Variants in CNTNAP2 observed in about 807,000 individuals in gnomAD.
CNTNAP2 encodes contactin associated protein 2.
A neutral mutation model predicts 155.2 loss-of-function variants in CNTNAP2; 98 were observed. The ratio of observed to expected loss-of-function variants is 0.63; its 90% CI spans 0.54 to 0.75. The LOEUF (loss-of-function observed/expected upper bound fraction) is 0.75. Among genes scored for constraint, CNTNAP2 ranks in the 30% least tolerant of loss-of-function variants. The pLI is 0.00. For missense variants in CNTNAP2, 1,727 were observed against 1,688.1 expected (o/e 1.02, Z -0.40); for synonymous variants, 651 against 631.2 (o/e 1.03, Z -0.47).
At chr7:147,706,489 A>T (rs1584911044) in intron 13 of CNTNAP2, among the ~76,000 whole-genome samples, 2 of 151,812 alleles carry the variant, frequency 1.3e-5, no homozygotes, top group East Asian at 3.9e-4. Context: ...CTGCTGAGAG[A>T]TTCACTGTTA....
rs140215588 is a variant in CNTNAP2, at chr7:147,556,634, A to G, written c.1778-5504A>G. Reference sequence around the variant, plus strand: ...GATGGGGGACTGAGATGATGAGCCCAGGAATGTGTGTGGCCTCTATAATCT... The same window carrying G: ...GATGGGGGACTGAGATGATGAGCCCGGGAATGTGTGTGGCCTCTATAATCT... On this transcript the variant is annotated intron_variant, in intron 11 of 23. Transcript: ENST00000361727. Among the ~76,000 whole-genome samples the G allele has an allele frequency of 2.4e-3, 366 of 152,334 alleles. 3 individuals carry two copies. The highest frequency in any genetic ancestry group is 8.3e-3 in the African/African-American group (347 of 41,588).
chr7:146,198,869 CTT>C (rs575800042), intron 1 of CNTNAP2, among the ~76,000 whole-genome samples: 136 of 151,536 alleles, frequency 9.0e-4, no homozygotes, highest in Non-Finnish European at 9.3e-4. Flanking sequence ...TCATTGATTT[CTT>C]GGCATTTTTA....
chr7:146,933,436 T>C (rs985940120), intron 3 of CNTNAP2, among the ~76,000 whole-genome samples: 1 of 151,416 alleles, frequency 6.6e-6, no homozygotes. Context: ...CAAAAATTAA[T>C]TCAGGATGGA....
At chr7:148,137,723 AGGAAG>A (rs1804988657) in intron 16 of CNTNAP2, among the ~76,000 whole-genome samples, 1 of 137,756 alleles carries the variant, frequency 7.3e-6, no homozygotes, top group Admixed American at 7.1e-5. Flanking sequence ...GAAGGAAGGA[AGGAAG>A]GAAGGAAGGT....
chr7:147,118,167 T>A (rs1221796661), intron 5 of CNTNAP2, among the ~76,000 whole-genome samples: 1 of 152,160 alleles, frequency 6.6e-6, no homozygotes, highest in Non-Finnish European at 1.5e-5. Context: ...AGTGATACTT[T>A]CAGTGTTGGT....
intron 12 of CNTNAP2, among the ~76,000 whole-genome samples, chr7:147,626,708 A>G (rs938667853): frequency 9.2e-5 from 14 of 152,270 alleles, no homozygotes; most frequent in African/African-American, 3.4e-4. Context: ...TTGGAGGCCA[A>G]CCAACTCAGG....
intron 15 of CNTNAP2, among the ~76,000 whole-genome samples, chr7:148,064,877 C>A (rs1395658560): frequency 6.6e-6 from 1 of 151,978 alleles, no homozygotes; most frequent in Non-Finnish European, 1.5e-5. Context: ...TGAGGTTTTA[C>A]CTTACATTGT....
chr7:147,920,080 C>T (rs111630574), intron 14 of CNTNAP2, among the ~76,000 whole-genome samples: 6,273 of 151,416 alleles, frequency 0.041, 292 homozygotes, highest in African/African-American at 0.11. Flanking sequence ...ATGCCTTGGC[C>T]GGGCGCGGTG....
chr7:146,833,323 T>C (rs1283667843), intron 2 of CNTNAP2, among the ~76,000 whole-genome samples: 1 of 152,228 alleles, frequency 6.6e-6, no homozygotes, highest in Non-Finnish European at 1.5e-5. Flanking sequence ...TTTGAAATTT[T>C]CATTTGCATG....
At chr7:146,371,734 C>T (rs1444714855) in intron 1 of CNTNAP2, among the ~76,000 whole-genome samples, 2 of 151,444 alleles carry the variant, frequency 1.3e-5, no homozygotes, top group African/African-American at 4.8e-5. Context: ...GGCGGATTAC[C>T]CTCTGAGGTC....
At chr7:147,566,216 A>G (rs1800167650) in intron 12 of CNTNAP2, among the ~76,000 whole-genome samples, 1 of 149,860 alleles carries the variant, frequency 6.7e-6, no homozygotes, top group South Asian at 2.2e-4. Flanking sequence ...GGATCACTTG[A>G]GCCTGGGATG....
At chr7:148,270,728 G>A (rs1225103664) in intron 21 of CNTNAP2, among the ~76,000 whole-genome samples, 1 of 152,240 alleles carries the variant, frequency 6.6e-6, no homozygotes, top group East Asian at 1.9e-4. Flanking sequence ...ATATCTCACA[G>A]CCTAAAAGTA....
intron 20 of CNTNAP2, among the ~76,000 whole-genome samples, chr7:148,230,504 C>A (rs1414508892): frequency 4.6e-5 from 7 of 152,134 alleles, no homozygotes; most frequent in Admixed American, 4.6e-4. Context: ...AGATGCCTGT[C>A]AGGAGAAAGA....
chr7:146,949,318 A>C (rs1797259158), intron 3 of CNTNAP2, among the ~76,000 whole-genome samples: 1 of 152,244 alleles, frequency 6.6e-6, no homozygotes, highest in African/African-American at 2.4e-5. Context: ...AACAGACCTC[A>C]GATCGCACTC....
At chr7:147,871,759 T>G (rs1242895029) in intron 13 of CNTNAP2, among the ~76,000 whole-genome samples, 1 of 152,146 alleles carries the variant, frequency 6.6e-6, no homozygotes, top group East Asian at 1.9e-4. Context: ...TCCACTCTTC[T>G]TCACTTTGAG....
At chr7:146,902,530 G>A (rs1006769182) in intron 3 of CNTNAP2, among the ~76,000 whole-genome samples, 2 of 152,138 alleles carry the variant, frequency 1.3e-5, no homozygotes, top group African/African-American at 4.8e-5. Context: ...ACTGTATAAA[G>A]GGTATGCAAA....
At chr7:148,108,626 G>T (rs148336843) in intron 15 of CNTNAP2, among the ~76,000 whole-genome samples, 1,566 of 131,242 alleles carry the variant, frequency 0.012, 19 homozygotes, top group South Asian at 0.047. Context: ...AAGCTCTCAT[G>T]CATGAGTGGA....
At chr7:146,788,241 C>T (rs1423589185) in intron 2 of CNTNAP2, among the ~76,000 whole-genome samples, 1 of 152,230 alleles carries the variant, frequency 6.6e-6, no homozygotes, top group Admixed American at 6.5e-5. Context: ...CTGCCAGCCC[C>T]AGAGGGGGAC....
intron 20 of CNTNAP2, among the ~76,000 whole-genome samples, chr7:148,260,797 C>T (rs1018530001): frequency 2.0e-5 from 3 of 152,084 alleles, no homozygotes; most frequent in South Asian, 4.1e-4. Flanking sequence ...GTTAAGTTGA[C>T]GTAGGAGAGA....
Sources: allele counts gnomAD v4.1 joint callset (sites outside exome capture counted in the v4.1 genomes callset), GRCh38; gene constraint gnomAD v4.1.1; transcripts MANE v1.5; gene names NCBI Gene and HGNC (gene_info 2026-07-23, HGNC 2026-07-21).